HIKESHI: variants seen among roughly 807,000 people sequenced by gnomAD.
HIKESHI encodes the protein heat shock protein nuclear import factor hikeshi, also known as protein Hikeshi.
Under a neutral mutation model 25.7 loss-of-function variants are expected in HIKESHI, and 13 were observed. The observed-to-expected ratio is 0.51, with a 90% confidence interval of 0.33 to 0.80. The LOEUF is 0.80. HIKESHI is among the 30% of genes least tolerant of loss of function. The pLI is 0.02. For missense variants in HIKESHI, 174 were observed against 229.5 expected (o/e 0.76, Z 1.56); for synonymous variants, 76 against 78.7 (o/e 0.97, Z 0.18).
chr11:86,326,681 G>C lies in HIKESHI; in HGVS notation c.269-10698G>C, dbSNP rs1386905783. On this transcript the variant is annotated intron_variant, in intron 2 of 4. Coordinates refer to ENST00000278483, the MANE Select transcript of HIKESHI (RefSeq NM_016401.4). ...GAGCATGAACTTGAAATATGAGTAA[G>C]ATTTGGATGGGATGGAAGTGGGTGG... 8 of 355,844 alleles carry C rather than the reference G, an allele frequency of 2.2e-5. No individual in the cohort carries two copies. The East Asian group carries it at 5.7e-4, about 25-fold the overall frequency. The allele number at this position is 355,844 out of a possible 1,614,324, so 22.0% of individuals were successfully genotyped here.
At chr11:86,308,428 A>G (rs1946740110) in intron 2 of HIKESHI, among the ~76,000 whole-genome samples, 2 of 146,816 alleles carry the variant, frequency 1.4e-5, no homozygotes, top group South Asian at 4.2e-4. Context: ...GAGAAGATAA[A>G]CCAGATAGAC....
intron 1 of HIKESHI, among the ~76,000 whole-genome samples, chr11:86,305,739 T>G (rs1946607506): frequency 6.6e-6 from 1 of 151,980 alleles, no homozygotes; most frequent in Non-Finnish European, 1.5e-5. Context: ...TATTTTTATT[T>G]TTATTTTATT....
intron 2 of HIKESHI, among the ~76,000 whole-genome samples, chr11:86,328,752 T>C (rs1947347274): frequency 6.6e-6 from 1 of 151,982 alleles, no homozygotes; most frequent in African/African-American, 2.4e-5. Flanking sequence ...CTATTTTGTA[T>C]TTTTAGTAGC....
chr11:86,306,150 T>C, intron 1 of HIKESHI, 95 bp from the exon 2 acceptor site: 1 of 784,306 alleles, frequency 1.3e-6, no homozygotes, highest in South Asian at 1.7e-5. Context: ...AAGACTATAA[T>C]GGATTATGCT....
intron 4 of HIKESHI, 74 bp downstream of exon 4, chr11:86,344,795 C>T (rs772013412): frequency 9.9e-7 from 1 of 1,013,796 alleles, no homozygotes; most frequent in East Asian, 2.4e-5. Flanking sequence ...GAATATATTC[C>T]TTTTTTGACA....
At chr11:86,313,323 C>T (rs537273097) in intron 2 of HIKESHI, among the ~76,000 whole-genome samples, 3 of 152,202 alleles carry the variant, frequency 2.0e-5, no homozygotes, top group African/African-American at 4.8e-5. Flanking sequence ...CTCCACCTCC[C>T]GGGTTCAAGT....
At position 86,304,712 on chromosome 11, in the gene HIKESHI, C is replaced by T. The variant is rs1039473636; in HGVS notation, c.31-1533C>T. 9.2e-5 allele frequency among the ~76,000 whole-genome samples: 14 copies of T among 152,108 alleles called. No individual in the cohort carries two copies. The East Asian group carries it at 1.7e-3, about 19-fold the overall frequency. ...TATATTTTTAGTAGATACTACGTTT[C>T]GCCATGTTGGCCAGGCTGATCTGGA... On this transcript the variant is annotated intron_variant, in intron 1 of 4. Coordinates refer to ENST00000278483, the MANE Select transcript of HIKESHI (RefSeq NM_016401.4).
intron 2 of HIKESHI, among the ~76,000 whole-genome samples, chr11:86,336,396 G>A (rs1201424527): frequency 1.3e-5 from 2 of 152,208 alleles, no homozygotes; most frequent in East Asian, 3.8e-4. Flanking sequence ...TTGGGAGGTA[G>A]GGACTTGGAT....
chr11:86,345,714 A>T lies in HIKESHI; in HGVS notation c.*76A>T, dbSNP rs904188984. ...ATAACTGACTCCATCTAAAAGTATGAGGTCAAAGGATCACGAAACCTAAGT... is the reference window on the plus strand; with the variant it reads ...ATAACTGACTCCATCTAAAAGTATGTGGTCAAAGGATCACGAAACCTAAGT... On this transcript the variant is annotated 3_prime_UTR_variant, in exon 5 of 5. Coordinates refer to ENST00000278483, the MANE Select transcript of HIKESHI (RefSeq NM_016401.4). 4 of 802,294 alleles carry T rather than the reference A, an allele frequency of 5.0e-6. No homozygotes were observed. Among genetic ancestry groups the T allele is most frequent in the Non-Finnish European group, 7.8e-6 (4 of 514,126 alleles). The allele number at this position is 802,294 out of a possible 1,614,324, so 49.7% of individuals were successfully genotyped here.
At position 86,302,273 on chromosome 11, in the gene HIKESHI, G is replaced by A. The variant is rs956589536; in HGVS notation, c.-176G>A. The A allele has an allele frequency of 7.2e-6, 5 of 698,282 alleles. No homozygotes were observed. Among genetic ancestry groups the A allele is most frequent in the African/African-American group, 5.3e-5 (3 of 56,966 alleles). The allele number at this position is 698,282 out of a possible 1,614,324, so 43.3% of individuals were successfully genotyped here. A position where few individuals can be genotyped will look rare whatever the true frequency, so the allele number is the denominator to read the frequency against. ...AGCAGTGGGCTGCTTAGGAAGAGAA[G>A]GTCAGAGTTCGCGGGGGCAGAGGCA... On this transcript the variant is annotated 5_prime_UTR_variant, in exon 1 of 5. Coordinates refer to ENST00000278483, the MANE Select transcript of HIKESHI (RefSeq NM_016401.4).
chr11:86,332,870 G>T (rs564106743), intron 2 of HIKESHI, among the ~76,000 whole-genome samples: 1 of 152,240 alleles, frequency 6.6e-6, no homozygotes, highest in Non-Finnish European at 1.5e-5. Context: ...GCCTTGGTTT[G>T]TCATTGCATT....
intron 2 of HIKESHI, among the ~76,000 whole-genome samples, chr11:86,320,455 A>T (rs7929614): frequency 5.8e-4 from 88 of 152,328 alleles, no homozygotes; most frequent in East Asian, 5.6e-3. Flanking sequence ...AGGCGCCTGT[A>T]ATCCCAGCTA....
chr11:86,323,122 G>A (rs1430423666), intron 2 of HIKESHI, among the ~76,000 whole-genome samples: 1 of 151,940 alleles, frequency 6.6e-6, no homozygotes, highest in African/African-American at 2.4e-5. Context: ...CAGCTATTTG[G>A]GAGGCTGAGG....
chr11:86,336,759 A>G (rs543664743), intron 2 of HIKESHI, among the ~76,000 whole-genome samples: 101 of 152,362 alleles, frequency 6.6e-4, no homozygotes, highest in Admixed American at 1.8e-3. Context: ...TCCAAGTAGG[A>G]TAAACTACAC....
intron 2 of HIKESHI, among the ~76,000 whole-genome samples, chr11:86,314,266 CTACCTCCTCACAGA>C (rs745587139): frequency 3.5e-4 from 53 of 152,104 alleles, no homozygotes; most frequent in Non-Finnish European, 5.7e-4. Flanking sequence ...TGGGACAGTT[CTACCTCCTCACAGA>C]GGAGGTAGCT....
chr11:86,324,931 C>T (rs1027964907), intron 2 of HIKESHI, among the ~76,000 whole-genome samples: 4 of 152,124 alleles, frequency 2.6e-5, no homozygotes, highest in Non-Finnish European at 4.4e-5. Flanking sequence ...GTAATTTCAG[C>T]ACTTCGGGAG....
chr11:86,307,602 A>C (rs1946675560), intron 2 of HIKESHI, among the ~76,000 whole-genome samples: 1 of 120,692 alleles, frequency 8.3e-6, no homozygotes, highest in South Asian at 2.9e-4. Flanking sequence ...TGTAGTATAC[A>C]TTATATATAA....
At chr11:86,330,206 A>G (rs1258334040) in intron 2 of HIKESHI, among the ~76,000 whole-genome samples, 3 of 152,202 alleles carry the variant, frequency 2.0e-5, no homozygotes, top group Non-Finnish European at 4.4e-5. Flanking sequence ...AATATTACAG[A>G]AATAAATGTT....
intron 2 of HIKESHI, among the ~76,000 whole-genome samples, chr11:86,325,380 T>G (rs1175140933): frequency 6.6e-6 from 1 of 152,108 alleles, no homozygotes; most frequent in East Asian, 1.9e-4. Flanking sequence ...TGAGGGATGA[T>G]TCTTTGTGAC....
Sources: allele counts gnomAD v4.1 joint callset (sites outside exome capture counted in the v4.1 genomes callset), GRCh38; gene constraint gnomAD v4.1.1; transcripts MANE v1.5; gene names NCBI Gene and HGNC (gene_info 2026-07-23, HGNC 2026-07-21).